SETBP1: variants seen among roughly 807,000 people sequenced by gnomAD.
SETBP1 encodes SET binding protein 1.
In SETBP1, 9 loss-of-function variants were observed where a neutral mutation model predicts 101.0. The observed-to-expected ratio is 0.09, with a 90% CI of 0.05 to 0.16. The LOEUF (loss-of-function observed/expected upper bound fraction) is 0.16, where lower values mean the gene tolerates loss of function less well. Ranked by LOEUF, SETBP1 falls within the 10% of genes least tolerant of loss-of-function variation. The pLI, the probability that SETBP1 is intolerant of heterozygous loss-of-function variation, is 1.00. For missense variants in SETBP1, 1,858 were observed against 2,033.8 expected, an observed-to-expected ratio of 0.91 and a Z score of 1.66; for synonymous variants, 818 against 788.5, an observed-to-expected ratio of 1.04 and a Z score of -0.63.
At chr18:44,939,121 A>G (rs930051592) in intron 3 of SETBP1, among the ~76,000 whole-genome samples, 2 of 152,166 alleles carry the variant, frequency 1.3e-5, no homozygotes, top group Non-Finnish European at 2.9e-5. Flanking sequence ...GATCTTAAAT[A>G]TGAAGTTCAA....
At chr18:44,775,121 C>T (rs1208439048) in intron 2 of SETBP1, among the ~76,000 whole-genome samples, 1 of 152,074 alleles carries the variant, frequency 6.6e-6, no homozygotes, top group Admixed American at 6.5e-5. Context: ...AAACCTTTAG[C>T]CTGTGTCCTG....
intron 2 of SETBP1, among the ~76,000 whole-genome samples, chr18:44,867,392 GT>G (rs1297395426): frequency 1.3e-5 from 2 of 152,116 alleles, no homozygotes; most frequent in Non-Finnish European, 2.9e-5. Context: ...ACCTTTCCAT[GT>G]GAAATCAAGG....
chr18:44,934,400 C>T lies in SETBP1; in HGVS notation c.541-15481C>T, dbSNP rs149335839. ...CTGACCTCAAGTGATCTGCCCTCCT[C>T]GGCCTCCCGAAGTGCTGGGATTACA... On this transcript the variant is annotated intron_variant, in intron 3 of 5. Coordinates refer to ENST00000649279, the MANE Select transcript of SETBP1 (RefSeq NM_015559.3). Among the ~76,000 whole-genome samples the T allele has an allele frequency of 7.6e-3, 1,156 of 152,336 alleles. 13 individuals carry two copies. Among genetic ancestry groups the T allele is most frequent in the African/African-American group, 0.027 (1,115 of 41,572 alleles).
At chr18:44,848,213 C>T (rs954795333) in intron 2 of SETBP1, among the ~76,000 whole-genome samples, 4 of 151,874 alleles carry the variant, frequency 2.6e-5, no homozygotes, top group Admixed American at 6.6e-5. Context: ...AGTAAGCTAG[C>T]GATGCAGGGG....
intron 2 of SETBP1, among the ~76,000 whole-genome samples, chr18:44,774,653 G>A (rs2070955168): frequency 6.6e-6 from 1 of 152,114 alleles, no homozygotes; most frequent in South Asian, 2.1e-4. Context: ...CTCAGAGTTG[G>A]AGGTCACTTG....
intron 1 of SETBP1, among the ~76,000 whole-genome samples, chr18:44,682,206 G>A (rs758387443): frequency 5.9e-5 from 9 of 152,190 alleles, no homozygotes; most frequent in Non-Finnish European, 1.2e-4. Flanking sequence ...TATATCTCCT[G>A]TGCCCCATCC....
chr18:45,051,998 G>A (rs951952701), intron 5 of SETBP1, among the ~76,000 whole-genome samples: 3 of 151,350 alleles, frequency 2.0e-5, no homozygotes, highest in East Asian at 1.9e-4. Context: ...AAAATAGATC[G>A]TAAGTGCTAA....
intron 3 of SETBP1, among the ~76,000 whole-genome samples, chr18:44,895,392 G>C (rs906464690): frequency 3.9e-5 from 6 of 152,008 alleles, no homozygotes; most frequent in African/African-American, 1.4e-4. Flanking sequence ...TTGAGAATTG[G>C]GAAAATCTAA....
At chr18:45,054,433 A>C (rs1290017766) in intron 5 of SETBP1, among the ~76,000 whole-genome samples, 2 of 151,756 alleles carry the variant, frequency 1.3e-5, no homozygotes, top group East Asian at 3.9e-4. Flanking sequence ...TAATCCACCC[A>C]CCTCAGCCTC....
intron 4 of SETBP1, among the ~76,000 whole-genome samples, chr18:45,021,270 C>A (rs66970474): frequency 0.045 from 6,890 of 152,200 alleles, 175 homozygotes; most frequent in South Asian, 0.096. Flanking sequence ...GGTCTGTATG[C>A]CAGCTATCAT....
intron 3 of SETBP1, among the ~76,000 whole-genome samples, chr18:44,882,142 C>A (rs1417926753): frequency 1.3e-5 from 2 of 152,140 alleles, no homozygotes; most frequent in Non-Finnish European, 2.9e-5. Flanking sequence ...AGGGAGATAT[C>A]TACTGCTGTC....
At chr18:44,931,747 G>T (rs2070839647) in intron 3 of SETBP1, among the ~76,000 whole-genome samples, 1 of 152,086 alleles carries the variant, frequency 6.6e-6, no homozygotes, top group African/African-American at 2.4e-5. Flanking sequence ...TTTTATTAGA[G>T]ACTAGGATTG....
At chr18:44,859,557 T>C (rs1460713328) in intron 2 of SETBP1, among the ~76,000 whole-genome samples, 1 of 152,196 alleles carries the variant, frequency 6.6e-6, no homozygotes, top group Non-Finnish European at 1.5e-5. Flanking sequence ...TTTAAGCAGT[T>C]TGAGCCTCAG....
intron 4 of SETBP1, among the ~76,000 whole-genome samples, chr18:45,001,312 A>C (rs2145333674): frequency 6.6e-6 from 1 of 152,346 alleles, no homozygotes; most frequent in South Asian, 2.1e-4. Flanking sequence ...GAGTATTGTA[A>C]GGATTAAATT....
chr18:44,731,221 C>T (rs1405809475), intron 2 of SETBP1, among the ~76,000 whole-genome samples: 1 of 152,150 alleles, frequency 6.6e-6, no homozygotes, highest in Non-Finnish European at 1.5e-5. Flanking sequence ...CTGCAAGGCC[C>T]CTTATGTATG....
At chr18:44,754,694 G>T (rs147353417) in intron 2 of SETBP1, among the ~76,000 whole-genome samples, 1 of 152,200 alleles carries the variant, frequency 6.6e-6, no homozygotes, top group East Asian at 1.9e-4. Context: ...TATCTAAACC[G>T]CTTAATAAAT....
At chr18:44,975,814 A>G (rs2071972986) in intron 4 of SETBP1, among the ~76,000 whole-genome samples, 1 of 152,180 alleles carries the variant, frequency 6.6e-6, no homozygotes, top group Non-Finnish European at 1.5e-5. Context: ...AACATTCTGC[A>G]GAAGATGGTT....
intron 5 of SETBP1, among the ~76,000 whole-genome samples, chr18:45,062,754 C>T (rs896613729): frequency 1.3e-5 from 2 of 152,070 alleles, no homozygotes; most frequent in Non-Finnish European, 2.9e-5. Flanking sequence ...CATTGAGTCC[C>T]ACGGCTCTAG....
chr18:44,689,576 A>G (rs74479733), intron 1 of SETBP1, among the ~76,000 whole-genome samples: 20 of 152,334 alleles, frequency 1.3e-4, no homozygotes, highest in East Asian at 7.7e-4. Context: ...CTAAGAGCCC[A>G]TGAAAACCAG....
Sources: gnomAD v4.1 joint callset for allele counts (sites outside exome capture counted in the v4.1 genomes callset) on GRCh38, gnomAD v4.1.1 for gene constraint, MANE v1.5 for transcripts, NCBI Gene and HGNC (gene_info 2026-07-23, HGNC 2026-07-21) for gene names.